SLC25A4: variants seen among roughly 807,000 people sequenced by gnomAD.
SLC25A4 encodes the protein ADP/ATP translocase 1.
SLC25A4 carries 10 observed loss-of-function variants against 24.7 expected under a neutral mutation model. That is an observed-to-expected ratio of 0.41 (90% CI 0.25 to 0.69). SLC25A4 has a LOEUF of 0.69. Ranked by LOEUF, SLC25A4 falls within the 30% of genes least tolerant of loss-of-function variation. SLC25A4 has a pLI of 0.35. For missense variants in SLC25A4, 273 were observed against 387.6 expected (o/e 0.70, Z 2.48); for synonymous variants, 125 against 153.3 (o/e 0.82, Z 1.36).
intron 3 of SLC25A4, 53 bp from the exon 4 acceptor site, chr4:185,146,759 GAA>G (rs1734448526): frequency 1.2e-6 from 2 of 1,605,618 alleles, no homozygotes; most frequent in Non-Finnish European, 8.5e-7. Context: ...TGTTTCAGGG[GAA>G]AAGTCTCTTT....
At position 185,145,649 on chromosome 4, in the gene SLC25A4, C is replaced by T. The variant is rs17848740; in HGVS notation, c.599-110C>T. 34 of 1,399,014 alleles carry T rather than the reference C, an allele frequency of 2.4e-5. No individual in the cohort carries two copies. The East Asian group carries it at 7.7e-4, about 32-fold the overall frequency. 86.7% of individuals were successfully genotyped at this position (1,399,014 alleles called of 1,614,324 possible). On this transcript the variant is annotated intron_variant, in intron 2 of 3. Transcript: ENST00000281456. This position sits in a 1 kb window ranked among gnomAD's most constrained non-coding sequence, Gnocchi z 5.5. ...AAGCACCTGCACAGGGGCAGGTTCCCCGCAAGGTCAGAGCATGGAGCTGGA... is the reference window on the plus strand; with the variant it reads ...AAGCACCTGCACAGGGGCAGGTTCCTCGCAAGGTCAGAGCATGGAGCTGGA...
chr4:185,143,505 A>T, intron 1 of SLC25A4, 22 bp downstream of exon 1: 1 of 1,154,678 alleles, frequency 8.7e-7, no homozygotes, highest in Non-Finnish European at 1.1e-6. Flanking sequence ...GCGGTGCAAG[A>T]GGCGGGCGCG....
chr4:185,143,431 C>T lies in SLC25A4; in HGVS notation c.59C>T (p.Ala20Val), dbSNP rs1289730279. 2 of 1,519,904 alleles carry T rather than the reference C, an allele frequency of 1.3e-6. No individual in the cohort carries two copies. Among genetic ancestry groups the T allele is most frequent in the Admixed American group, 2.1e-5 (1 of 48,142 alleles). 94.2% of individuals were successfully genotyped at this position (1,519,904 alleles called of 1,614,324 possible). A position where few individuals can be genotyped will look rare whatever the true frequency, so the allele number is the denominator to read the frequency against. ...KDFLAGGVAA[A>V]VSKTAVAPIE... ...TTCCTGGCCGGGGGCGTCGCCGCTG[C>T]CGTCTCCAAGACCGCGGTCGCCCCC... Residue 20 changes from alanine to valine, a missense_variant, in exon 1 of 4, where the codon GCC (alanine) becomes GTC (valine). Physicochemically the swap from Ala to Val is moderately conservative, Grantham distance 64 (BLOSUM62 0). Coordinates refer to ENST00000281456, the MANE Select transcript of SLC25A4 (RefSeq NM_001151.4).
chr4:185,147,466 T>TATC lies in SLC25A4; in HGVS notation c.*496_*498dup, dbSNP rs1456665649. On this transcript the variant is annotated 3_prime_UTR_variant, in exon 4 of 4. Transcript: ENST00000281456. Reference sequence around the variant, plus strand: ...TTTCAAACTTAGGCAGGTCATATTCTATCTATCTTATCCAGCATTACTGTA... The same window carrying TATC: ...TTTCAAACTTAGGCAGGTCATATTCTATCATCTATCTTATCCAGCATTACTGTA... 1 of 163,914 alleles carries TATC rather than the reference T, an allele frequency of 6.1e-6. No individual in the cohort carries two copies. Among genetic ancestry groups the TATC allele is most frequent in the African/African-American group, 2.4e-5 (1 of 41,558 alleles). The allele number at this position is 163,914 out of a possible 1,614,324, so 10.2% of individuals were successfully genotyped here. A position where few individuals can be genotyped will look rare whatever the true frequency, so the allele number is the denominator to read the frequency against.
chr4:185,144,394 T>C (rs1200773919), intron 1 of SLC25A4, among the ~76,000 whole-genome samples: 1 of 152,214 alleles, frequency 6.6e-6, no homozygotes, highest in East Asian at 1.9e-4. Context: ...CAAAGCCCTT[T>C]GAAGCAGGGA....
rs150786764 is a variant in SLC25A4, at chr4:185,146,830, G to A, written c.756G>A (p.Thr252=). 9.4e-5 allele frequency: 152 copies of A among 1,614,068 alleles called. No homozygotes were observed. Among genetic ancestry groups the A allele is most frequent in the Middle Eastern group, 3.3e-4 (2 of 6,084 alleles). The stretch of plus-strand genomic sequence containing the variant: ...TTTCCACAGCCGATATTATGTACAC[G>A]GGGACAGTTGACTGCTGGAGGAAGA... ...SGRKGADIMY[T]GTVDCWRKIA... Residue 252 remains threonine, a synonymous_variant, in exon 4 of 4, where the codon ACG becomes ACA. Coordinates refer to ENST00000281456, the MANE Select transcript of SLC25A4 (RefSeq NM_001151.4).
chr4:185,144,681 A>C, intron 1 of SLC25A4, 83 bp from the exon 2 acceptor site: 2 of 1,354,988 alleles, frequency 1.5e-6, no homozygotes, highest in Non-Finnish European at 1.0e-6. Flanking sequence ...AAATCTAGGA[A>C]GTGCAAACCT....
At position 185,147,957 on chromosome 4, in the gene SLC25A4, A is replaced by G. The variant is rs1188477262; in HGVS notation, c.*986A>G. On this transcript the variant is annotated 3_prime_UTR_variant, in exon 4 of 4. Coordinates refer to ENST00000281456, the MANE Select transcript of SLC25A4 (RefSeq NM_001151.4). ...ATGGCATGCCACCACATCCATCCTA[A>G]GCGACAGGGCAAGACTCTGTCTCAA... 1.3e-5 allele frequency: 2 copies of G among 151,722 alleles called. No homozygotes were observed. The highest frequency in any genetic ancestry group is 6.6e-5 in the Admixed American group (1 of 15,214). The allele number at this position is 151,722 out of a possible 1,614,324, so 9.4% of individuals were successfully genotyped here.
Position 185,146,696 on chromosome 4 carries a change from TC to T in SLC25A4, c.740-116del, listed in dbSNP as rs1734447643. 3.4e-6 allele frequency: 4 copies of T among 1,164,776 alleles called. No individual in the cohort carries two copies. The South Asian group carries it at 5.0e-5, about 15-fold the overall frequency. 72.2% of individuals were successfully genotyped at this position (1,164,776 alleles called of 1,614,324 possible). On this transcript the variant is annotated intron_variant, in intron 3 of 3. Coordinates refer to ENST00000281456, the MANE Select transcript of SLC25A4 (RefSeq NM_001151.4). Reference sequence around the variant, plus strand: ...GTGGGATGTTGCATGGAGCTGGGACTCCATGCCCAGATGACCCTGATTTTAT... The same window carrying T: ...GTGGGATGTTGCATGGAGCTGGGACTCATGCCCAGATGACCCTGATTTTAT...
At position 185,149,213 on chromosome 4, in the gene SLC25A4, T is replaced by C. The variant is rs1251217918; in HGVS notation, c.*2242T>C. 6.6e-6 allele frequency: 1 copy of C among 152,190 alleles called. No individual in the cohort carries two copies. Among genetic ancestry groups the C allele is most frequent in the African/African-American group, 2.4e-5 (1 of 41,440 alleles). 9.4% of individuals were successfully genotyped at this position (152,190 alleles called of 1,614,324 possible). A position where few individuals can be genotyped will look rare whatever the true frequency, so the allele number is the denominator to read the frequency against. On this transcript the variant is annotated 3_prime_UTR_variant, in exon 4 of 4. Coordinates refer to ENST00000281456, the MANE Select transcript of SLC25A4 (RefSeq NM_001151.4). ...GAATAAAAGCAGGGCAGGCTAGTAG[T>C]GGGCAAGTGCTTTGATGGAGCGTAT...
rs779367539 is a variant in SLC25A4 at position 185,145,782 on chromosome 4, G to T, written c.622G>T (p.Val208Leu). 3 of 1,614,104 alleles carry T rather than the reference G, an allele frequency of 1.9e-6. No individual in the cohort carries two copies. Among genetic ancestry groups the T allele is most frequent in the Non-Finnish European group, 2.5e-6 (3 of 1,180,042 alleles). ...AGGGATGCTGCCTGACCCCAAGAACGTGCACATTTTTGTGAGCTGGATGAT... is the reference window on the plus strand; with the variant it reads ...AGGGATGCTGCCTGACCCCAAGAACTTGCACATTTTTGTGAGCTGGATGAT... ...AKGMLPDPKNVHIFVSWMIAQ... is the reference protein window; with the variant it reads ...AKGMLPDPKNLHIFVSWMIAQ... The change falls in exon 3 of 4, where the codon GTG becomes TTG. Residue 208 changes from valine to leucine, a missense_variant. Val to Leu is a conservative substitution (Grantham distance 32). Coordinates refer to ENST00000281456, the MANE Select transcript of SLC25A4 (RefSeq NM_001151.4). The surrounding 1 kb of genome is among the most constrained non-coding windows in gnomAD (Gnocchi z 5.5).
rs770177684 is a variant in SLC25A4 at position 185,145,737 on chromosome 4, G to A, written c.599-22G>A. 66 of 1,613,956 alleles carry A rather than the reference G, an allele frequency of 4.1e-5. No individual in the cohort carries two copies. Among genetic ancestry groups the A allele is most frequent in the Non-Finnish European group, 5.2e-5 (61 of 1,179,958 alleles). On this transcript the variant is annotated intron_variant, in intron 2 of 3. Transcript: ENST00000281456. The surrounding 1 kb of genome is among the most constrained non-coding windows in gnomAD (Gnocchi z 5.5). ...GAGAACAGGCACTTCATAGCCGTTC[G>A]GCTTCTGGGCTCTGTCCACAGGGAT...
chr4:185,147,073 A>G lies in SLC25A4; in HGVS notation c.*102A>G, dbSNP rs1734454815. The G allele has an allele frequency of 2.7e-6, 3 of 1,125,822 alleles. No individual in the cohort carries two copies. Among genetic ancestry groups the G allele is most frequent in the South Asian group, 2.7e-5 (2 of 72,962 alleles). The allele number at this position is 1,125,822 out of a possible 1,614,324, so 69.7% of individuals were successfully genotyped here. A position where few individuals can be genotyped will look rare whatever the true frequency, so the allele number is the denominator to read the frequency against. ...GACTATTCCTAGGGGAAGTAAAAAG[A>G]TCTGGGATAAAACCAGACTGAAAGG... On this transcript the variant is annotated 3_prime_UTR_variant, in exon 4 of 4. Transcript: ENST00000281456.
chr4:185,144,943 G>C lies in SLC25A4; in HGVS notation c.291G>C (p.Gln97His). The C allele has an allele frequency of 6.2e-7, 1 of 1,614,212 alleles. No individual in the cohort carries two copies. Among genetic ancestry groups the C allele is most frequent in the South Asian group, 1.1e-5 (1 of 91,082 alleles). ...LNFAFKDKYK[Q>H]LFLGGVDRHK... ...TCGCCTTCAAGGACAAGTACAAGCA[G>C]CTCTTCTTAGGGGGTGTGGATCGGC... The change falls in exon 2 of 4, where the codon CAG becomes CAC. Residue 97 changes from glutamine (Q) to histidine (H), a missense_variant. Physicochemically the swap from Gln to His is conservative, Grantham distance 24. Coordinates refer to ENST00000281456, the MANE Select transcript of SLC25A4 (RefSeq NM_001151.4).
In SLC25A4 at chr4:185,147,463, T is replaced by G. The variant is rs555000462; in HGVS notation, c.*492T>G. The G allele has an allele frequency of 1.2e-4, 20 of 165,982 alleles. No homozygotes were observed. Among genetic ancestry groups the G allele is most frequent in the South Asian group, 3.3e-4 (2 of 6,004 alleles). The allele number at this position is 165,982 out of a possible 1,614,324, so 10.3% of individuals were successfully genotyped here. A position where few individuals can be genotyped will look rare whatever the true frequency, so the allele number is the denominator to read the frequency against. On this transcript the variant is annotated 3_prime_UTR_variant, in exon 4 of 4. Coordinates refer to ENST00000281456, the MANE Select transcript of SLC25A4 (RefSeq NM_001151.4). ...GGTTTTCAAACTTAGGCAGGTCATA[T>G]TCTATCTATCTTATCCAGCATTACT... is the stretch of plus-strand genomic sequence containing the variant.
At position 185,148,520 on chromosome 4, in the gene SLC25A4, A is replaced by C. The variant is rs1734484237; in HGVS notation, c.*1549A>C. The C allele has an allele frequency of 6.6e-6, 1 of 152,194 alleles. No homozygotes were observed. The highest frequency in any genetic ancestry group is 6.6e-5 in the Admixed American group (1 of 15,264). The allele number at this position is 152,194 out of a possible 1,614,324, so 9.4% of individuals were successfully genotyped here. On this transcript the variant is annotated 3_prime_UTR_variant, in exon 4 of 4. Transcript: ENST00000281456. ...ATACATCTTGCTTGAGAAGGAATAG[A>C]AGGGAAATGAAATGGGGGGAGGGAG...
chr4:185,144,809 G>A lies in SLC25A4; in HGVS notation c.157G>A (p.Gly53Arg). 1 of 1,614,084 alleles carries A rather than the reference G, an allele frequency of 6.2e-7. No individual in the cohort carries two copies. Among genetic ancestry groups the A allele is most frequent in the Non-Finnish European group, 8.5e-7 (1 of 1,180,026 alleles). The change falls in exon 2 of 4, where the codon GGG becomes AGG. Residue 53 changes from glycine (G) to arginine (R), a missense_variant. By Grantham distance (125) the Gly-to-Arg change is moderately radical. Coordinates refer to ENST00000281456, the MANE Select transcript of SLC25A4 (RefSeq NM_001151.4). The part of the protein sequence containing the change: ...KQISAEKQYK[G>R]IIDCVVRIPK... Reference sequence around the variant, plus strand: ...GATCAGTGCTGAGAAGCAGTACAAAGGGATCATTGATTGTGTGGTGAGAAT... The same window carrying A: ...GATCAGTGCTGAGAAGCAGTACAAAAGGATCATTGATTGTGTGGTGAGAAT...
chr4:185,146,511 G>A (rs998934061), intron 3 of SLC25A4, among the ~76,000 whole-genome samples: 2 of 152,210 alleles, frequency 1.3e-5, no homozygotes, highest in African/African-American at 4.8e-5. Flanking sequence ...AGGTAACCGC[G>A]TAGCATAATA....
In SLC25A4 at chr4:185,143,398, T is replaced by C. The variant is rs1186675258; in HGVS notation, c.26T>C (p.Leu9Pro). The change falls in exon 1 of 4, where the codon CTA (leucine) becomes CCA (proline). Residue 9 changes from leucine to proline, a missense_variant. By Grantham distance (98) the Leu-to-Pro change is moderately conservative. Coordinates refer to ENST00000281456, the MANE Select transcript of SLC25A4 (RefSeq NM_001151.4). Reference protein sequence around the residue: MGDHAWSFLKDFLAGGVAA... With the variant: MGDHAWSFPKDFLAGGVAA... ...ATGGGTGATCACGCTTGGAGCTTCC[T>C]AAAGGACTTCCTGGCCGGGGGCGTC... The C allele has an allele frequency of 1.1e-5, 17 of 1,527,658 alleles. No homozygotes were observed. The highest frequency in any genetic ancestry group is 2.8e-5 in the African/African-American group (2 of 70,986). 94.6% of individuals were successfully genotyped at this position (1,527,658 alleles called of 1,614,324 possible). A position where few individuals can be genotyped will look rare whatever the true frequency, so the allele number is the denominator to read the frequency against.
Sources: gnomAD v4.1 joint callset for allele counts (sites outside exome capture counted in the v4.1 genomes callset) on GRCh38, gnomAD v4.1.1 for gene constraint, Gnocchi (gnomAD v3.1) non-coding constraint, MANE v1.5 for transcripts, NCBI Gene and HGNC (gene_info 2026-07-23, HGNC 2026-07-21) for gene names.